Variants in CFAP299 observed in about 807,000 individuals in gnomAD.
CFAP299 encodes the protein cilia and flagella associated protein 299.
Under a neutral mutation model 27.0 loss-of-function variants are expected in CFAP299, and 21 were observed. That is an observed-to-expected ratio of 0.78 (90% CI 0.55 to 1.12). The LOEUF (loss-of-function observed/expected upper bound fraction) is 1.12. Among genes scored for constraint, CFAP299 ranks in the 50% most tolerant of loss-of-function variants. The pLI is 0.00. For missense variants in CFAP299, 310 were observed against 276.6 expected (o/e 1.12, Z -0.86); for synonymous variants, 104 against 98.1 (o/e 1.06, Z -0.36).
intron 2 of CFAP299, among the ~76,000 whole-genome samples, chr4:80,363,477 T>G (rs1723653946): frequency 6.6e-6 from 1 of 152,160 alleles, no homozygotes; most frequent in East Asian, 1.9e-4. Context: ...AATAACCTAT[T>G]TCATTTTTAA....
At chr4:80,376,178 T>G (rs966466277) in intron 2 of CFAP299, among the ~76,000 whole-genome samples, 12 of 152,320 alleles carry the variant, frequency 7.9e-5, no homozygotes, top group African/African-American at 2.6e-4. Context: ...TCATAAATTA[T>G]GTTGTCTTTT....
chr4:80,890,892 AC>A (rs1288790968), intron 4 of CFAP299, among the ~76,000 whole-genome samples: 1 of 142,326 alleles, frequency 7.0e-6, no homozygotes, highest in Non-Finnish European at 1.5e-5. Flanking sequence ...TCCTTCGCCC[AC>A]TTTTTGATGG....
chr4:80,770,772 C>A (rs528637417), intron 3 of CFAP299, among the ~76,000 whole-genome samples: 1 of 152,178 alleles, frequency 6.6e-6, no homozygotes, highest in Admixed American at 6.5e-5. Context: ...GTTTGCCAAA[C>A]TTAGTTCTTT....
chr4:80,511,061 T>C (rs1441757378), intron 2 of CFAP299, among the ~76,000 whole-genome samples: 1 of 152,182 alleles, frequency 6.6e-6, no homozygotes, highest in Non-Finnish European at 1.5e-5. Context: ...ATTTTAATGT[T>C]CCTATTTACT....
intron 4 of CFAP299, among the ~76,000 whole-genome samples, chr4:80,923,528 T>C (rs1276125975): frequency 6.6e-6 from 1 of 152,062 alleles, no homozygotes; most frequent in Non-Finnish European, 1.5e-5. Flanking sequence ...TGCATGAATA[T>C]GTTTATTTGC....
At chr4:80,918,635 G>C (rs1338863874) in intron 4 of CFAP299, among the ~76,000 whole-genome samples, 1 of 152,136 alleles carries the variant, frequency 6.6e-6, no homozygotes, top group South Asian at 2.1e-4. Context: ...TATAGTACTG[G>C]TTTTATGTAA....
intron 4 of CFAP299, among the ~76,000 whole-genome samples, chr4:80,941,242 C>T (rs976035158): frequency 1.3e-5 from 2 of 151,926 alleles, no homozygotes; most frequent in Admixed American, 6.6e-5. Context: ...TTTTTAATCC[C>T]GGGTTTTTAT....
intron 2 of CFAP299, chr4:80,420,101 G>C: frequency 2.3e-6 from 1 of 431,152 alleles, no homozygotes; most frequent in Non-Finnish European, 4.7e-6. Flanking sequence ...ATCATGGGAG[G>C]GGGAGAAGAG....
intron 3 of CFAP299, among the ~76,000 whole-genome samples, chr4:80,689,885 T>C (rs1315689483): frequency 6.6e-6 from 1 of 151,444 alleles, no homozygotes; most frequent in East Asian, 1.9e-4. Flanking sequence ...AAGGCAGGGG[T>C]TGCAATCCTA....
chr4:80,346,219 T>C (rs1214033719), intron 1 of CFAP299, among the ~76,000 whole-genome samples: 1 of 152,240 alleles, frequency 6.6e-6, no homozygotes, highest in Non-Finnish European at 1.5e-5. Flanking sequence ...TTCCATTCTG[T>C]AGGTTGCCTC....
chr4:80,705,377 T>A (rs962133419), intron 3 of CFAP299, among the ~76,000 whole-genome samples: 5 of 151,792 alleles, frequency 3.3e-5, no homozygotes, highest in African/African-American at 9.7e-5. Flanking sequence ...ATGAGAAAGA[T>A]CATGGATGTT....
chr4:80,869,320 T>A (rs1279768016), intron 3 of CFAP299, among the ~76,000 whole-genome samples: 1 of 152,036 alleles, frequency 6.6e-6, no homozygotes, highest in Non-Finnish European at 1.5e-5. Flanking sequence ...ATATAACTAA[T>A]CCATCACAAC....
intron 2 of CFAP299, among the ~76,000 whole-genome samples, chr4:80,497,361 T>G (rs1403397953): frequency 6.6e-6 from 1 of 152,214 alleles, no homozygotes; most frequent in Non-Finnish European, 1.5e-5. Flanking sequence ...TTGATGTAGA[T>G]TTCCTTGCTT....
chr4:80,795,142 G>C (rs192877619), intron 3 of CFAP299, among the ~76,000 whole-genome samples: 1 of 152,152 alleles, frequency 6.6e-6, no homozygotes, highest in Admixed American at 6.5e-5. Flanking sequence ...CCATTGGTGA[G>C]CACTCACATG....
chr4:80,627,275 A>C (rs1475793904), intron 3 of CFAP299, among the ~76,000 whole-genome samples: 1 of 151,982 alleles, frequency 6.6e-6, no homozygotes, highest in Non-Finnish European at 1.5e-5. Flanking sequence ...GTGCAAAAAA[A>C]TTTGGAAAAA....
chr4:80,680,159 G>C (rs1017373643), intron 3 of CFAP299, among the ~76,000 whole-genome samples: 2 of 151,994 alleles, frequency 1.3e-5, no homozygotes, highest in Admixed American at 6.6e-5. Flanking sequence ...AAAAATTGCC[G>C]ATCTTCACTG....
chr4:80,803,502 G>A (rs1283126212), intron 3 of CFAP299, among the ~76,000 whole-genome samples: 5 of 151,906 alleles, frequency 3.3e-5, no homozygotes, highest in African/African-American at 1.2e-4. Flanking sequence ...TAGATCAAAG[G>A]CACATCTAAA....
chr4:80,866,359 G>A (rs79234768), intron 3 of CFAP299, among the ~76,000 whole-genome samples: 4,512 of 151,838 alleles, frequency 0.03, 240 homozygotes, highest in African/African-American at 0.1. Flanking sequence ...TACAAATTGG[G>A]TGCTCAGGGC....
At position 80,896,352 on chromosome 4, in the gene CFAP299, G is replaced by T. The variant is rs373108978; in HGVS notation, c.476+26217G>T. On this transcript the variant is annotated intron_variant, in intron 4 of 5. Coordinates refer to ENST00000358105, the MANE Select transcript of CFAP299 (RefSeq NM_152770.3). ...AAGTAAAAGGAAAAAATGAGTAAAC[G>T]GATTTGTTTACATATATTTGTTTGA... Among the ~76,000 whole-genome samples, 22 of 152,066 alleles carry T rather than the reference G, an allele frequency of 1.4e-4. 1 individual carries two copies. In the South Asian group the frequency reaches 1.5e-3, roughly 10 times the overall value.
Sources: allele counts gnomAD v4.1 joint callset (sites outside exome capture counted in the v4.1 genomes callset), GRCh38; gene constraint gnomAD v4.1.1; transcripts MANE v1.5; gene names NCBI Gene and HGNC (gene_info 2026-07-23, HGNC 2026-07-21).